RAD51B: variants seen among roughly 807,000 people sequenced by gnomAD.
The protein encoded by RAD51B is DNA repair protein RAD51 homolog 2.
RAD51B carries 38 observed loss-of-function variants against 42.2 expected under a neutral mutation model. The ratio of observed to expected loss-of-function variants is 0.90; its 90% confidence interval spans 0.70 to 1.18. The LOEUF (loss-of-function observed/expected upper bound fraction) is 1.18. Ranked by LOEUF, RAD51B falls within the 50% of genes most tolerant of loss-of-function variation. The pLI, the probability that RAD51B is intolerant of heterozygous loss-of-function variation, is 0.00. For missense variants in RAD51B, 373 were observed against 400.7 expected, an observed-to-expected ratio of 0.93 and a Z score of 0.59; for synonymous variants, 154 against 145.2, an observed-to-expected ratio of 1.06 and a Z score of -0.43.
chr14:68,526,046 G>C (rs1394409013), intron 10 of RAD51B, among the ~76,000 whole-genome samples: 3 of 152,194 alleles, frequency 2.0e-5, no homozygotes, highest in African/African-American at 4.8e-5. Flanking sequence ...GGGAAAGTTG[G>C]TTACCATCAT....
intron 7 of RAD51B, among the ~76,000 whole-genome samples, chr14:68,209,779 T>C (rs2079665037): frequency 6.6e-6 from 1 of 152,168 alleles, no homozygotes; most frequent in South Asian, 2.1e-4. Flanking sequence ...TGAGAAATTT[T>C]AGTGATAATT....
chr14:67,845,237 G>A (rs1283842163), intron 4 of RAD51B, among the ~76,000 whole-genome samples: 1 of 152,228 alleles, frequency 6.6e-6, no homozygotes, highest in Admixed American at 6.5e-5. Context: ...AGTGGCTGGT[G>A]ATGGTCTTTC....
intron 8 of RAD51B, among the ~76,000 whole-genome samples, chr14:68,369,543 C>T (rs1042270087): frequency 2.6e-5 from 4 of 152,166 alleles, no homozygotes; most frequent in African/African-American, 9.6e-5. Flanking sequence ...CAAGGGAAAA[C>T]GTGTTTGCTG....
At chr14:68,627,407 G>A (rs1892111004) in intron 10 of RAD51B, 1 of 152,252 alleles carries the variant, frequency 6.6e-6, no homozygotes, top group African/African-American at 2.4e-5. Context: ...AGTTGGAGCA[G>A]GGTGGGCTAC....
intron 7 of RAD51B, among the ~76,000 whole-genome samples, chr14:68,241,789 C>T (rs2080394142): frequency 6.6e-6 from 1 of 152,120 alleles, no homozygotes; most frequent in Non-Finnish European, 1.5e-5. Flanking sequence ...GATTCCCCTG[C>T]CCAGTCATGT....
intron 10 of RAD51B, among the ~76,000 whole-genome samples, chr14:68,512,001 G>T (rs1885762357): frequency 6.6e-6 from 1 of 152,206 alleles, no homozygotes; most frequent in African/African-American, 2.4e-5. Context: ...ACACATTTCT[G>T]TGGACTACAT....
chr14:68,085,190 T>C (rs1023270902), intron 7 of RAD51B, among the ~76,000 whole-genome samples: 3 of 152,216 alleles, frequency 2.0e-5, no homozygotes, highest in Non-Finnish European at 2.9e-5. Flanking sequence ...GACAGTGAAC[T>C]TGGGAAATAA....
At chr14:68,508,038 G>A (rs147225643) in intron 10 of RAD51B, among the ~76,000 whole-genome samples, 14 of 152,338 alleles carry the variant, frequency 9.2e-5, no homozygotes, top group East Asian at 7.7e-4. Context: ...CAGAGGTGTC[G>A]TGCTATTTCT....
At position 67,965,054 on chromosome 14, in the gene RAD51B, A is replaced by C. The variant is rs2074742779; in HGVS notation, c.756+77850A>C. Among the ~76,000 whole-genome samples the C allele has an allele frequency of 5.3e-5, 8 of 152,234 alleles. No individual in the cohort carries two copies. In the South Asian group the frequency reaches 1.7e-3, roughly 32 times the overall value. On this transcript the variant is annotated intron_variant, in intron 7 of 10. Transcript: ENST00000471583. ...CACATGGTATTGCAGCAGGTGCAGC[A>C]CAGAGAAAATTGGCAAACAAGATCC...
chr14:67,916,030 G>A (rs1487968535), intron 7 of RAD51B, among the ~76,000 whole-genome samples: 3 of 152,150 alleles, frequency 2.0e-5, no homozygotes, highest in Non-Finnish European at 4.4e-5. Flanking sequence ...TACCACAAAG[G>A]CATGCCCTGC....
At chr14:68,297,730 TC>T (rs2081641983) in intron 8 of RAD51B, among the ~76,000 whole-genome samples, 1 of 152,212 alleles carries the variant, frequency 6.6e-6, no homozygotes, top group Admixed American at 6.5e-5. Flanking sequence ...CATTAGCTTT[TC>T]CATAGTATTT....
chr14:68,643,492 T>A (rs901732010), intron 10 of RAD51B, among the ~76,000 whole-genome samples: 1 of 152,036 alleles, frequency 6.6e-6, no homozygotes, highest in Non-Finnish European at 1.5e-5. Flanking sequence ...AGGATGGGAG[T>A]GGTGGGGGGA....
At chr14:67,829,487 C>G (rs1003644468) in intron 3 of RAD51B, among the ~76,000 whole-genome samples, 2 of 152,140 alleles carry the variant, frequency 1.3e-5, no homozygotes, top group African/African-American at 4.8e-5. Flanking sequence ...CATGATCCGC[C>G]CGCCTCGGCC....
chr14:68,149,443 A>G (rs1273805528), intron 7 of RAD51B, among the ~76,000 whole-genome samples: 2 of 152,214 alleles, frequency 1.3e-5, no homozygotes, highest in African/African-American at 4.8e-5. Flanking sequence ...TGTTGAAAAG[A>G]CTATCCTTCT....
At chr14:68,166,032 A>T (rs1206471479) in intron 7 of RAD51B, among the ~76,000 whole-genome samples, 1 of 152,096 alleles carries the variant, frequency 6.6e-6, no homozygotes, top group Admixed American at 6.6e-5. Context: ...CCCAGTGGTA[A>T]CCTACCAATG....
intron 8 of RAD51B, among the ~76,000 whole-genome samples, chr14:68,292,797 A>G (rs1172207772): frequency 6.6e-6 from 1 of 152,202 alleles, no homozygotes; most frequent in Non-Finnish European, 1.5e-5. Context: ...GGTCTTAGAA[A>G]TTGCAAGAAC....
intron 10 of RAD51B, among the ~76,000 whole-genome samples, chr14:68,502,070 G>T (rs547582304): frequency 1.3e-5 from 2 of 152,374 alleles, no homozygotes; most frequent in African/African-American, 2.4e-5. Context: ...CATCAAAGGA[G>T]CCTCAATGGG....
intron 10 of RAD51B, among the ~76,000 whole-genome samples, chr14:68,584,829 T>C (rs116384122): frequency 0.01 from 1,537 of 152,288 alleles, 13 homozygotes; most frequent in African/African-American, 0.023. Flanking sequence ...GTAGAAATCA[T>C]AGAACTAGAA....
intron 7 of RAD51B, among the ~76,000 whole-genome samples, chr14:68,153,460 G>A (rs1335361591): frequency 1.3e-5 from 2 of 152,074 alleles, no homozygotes; most frequent in African/African-American, 4.8e-5. Flanking sequence ...CACCAGCAGT[G>A]TATAAGTGTT....
Sources: allele counts gnomAD v4.1 joint callset (sites outside exome capture counted in the v4.1 genomes callset), GRCh38; gene constraint gnomAD v4.1.1; transcripts MANE v1.5; gene names NCBI Gene and HGNC (gene_info 2026-07-23, HGNC 2026-07-21).